Variants in NTRK3 observed in about 807,000 individuals in gnomAD.
NTRK3 encodes neurotrophic receptor tyrosine kinase 3.
A neutral mutation model predicts 91.7 loss-of-function variants in NTRK3; 24 were observed. That is an observed-to-expected ratio of 0.26 (90% CI 0.19 to 0.37). The LOEUF (loss-of-function observed/expected upper bound fraction) is 0.37, where lower values mean the gene tolerates loss of function less well. NTRK3 is among the 10% of genes least tolerant of loss of function. The pLI is 1.00. For synonymous variants in NTRK3, 483 were observed against 404.0 expected (o/e 1.20, Z -2.34); for missense variants, 880 against 1,068.9 (o/e 0.82, Z 2.46).
intron 13 of NTRK3, among the ~76,000 whole-genome samples, chr15:88,084,280 A>G (rs1295979302): frequency 6.6e-6 from 1 of 152,058 alleles, no homozygotes; most frequent in Non-Finnish European, 1.5e-5. Context: ...CCAATGGGAG[A>G]CACAGATGCT....
At chr15:88,166,568 A>C (rs994601979) in intron 5 of NTRK3, among the ~76,000 whole-genome samples, 1 of 152,196 alleles carries the variant, frequency 6.6e-6, no homozygotes, top group Middle Eastern at 3.2e-3. Context: ...CTGAACCCCC[A>C]GGGACGGAAC....
At chr15:88,189,789 G>A (rs1366661064) in intron 3 of NTRK3, among the ~76,000 whole-genome samples, 1 of 152,034 alleles carries the variant, frequency 6.6e-6, no homozygotes. Context: ...CTTCTGTTTT[G>A]CTTGGGCCAG....
chr15:87,925,733 C>T (rs183064551), intron 17 of NTRK3: 13 of 181,412 alleles, frequency 7.2e-5, no homozygotes, highest in Non-Finnish European at 1.3e-4. Flanking sequence ...AGCAGTATTT[C>T]CATACATGTT....
intron 17 of NTRK3, among the ~76,000 whole-genome samples, chr15:87,916,830 C>T (rs1596239224): frequency 6.7e-6 from 1 of 150,308 alleles, no homozygotes; most frequent in Non-Finnish European, 1.5e-5. Flanking sequence ...GGTGTGATCT[C>T]GGCTCACTGC....
Position 88,128,706 on chromosome 15 carries a change from CT to C in NTRK3, c.1228+4del. ...GTTTCAAAGCAACAGGTAAAGCAGA[CT>C]TACACAAGATAAAGTTATCCGTGCT... On this transcript the variant is annotated splice_donor_region_variant and intron_variant, in intron 11 of 18. Coordinates refer to ENST00000394480, the Ensembl canonical transcript of NTRK3. 1 of 1,613,996 alleles carries C rather than the reference CT, an allele frequency of 6.2e-7. No homozygotes were observed.
chr15:88,097,518 T>C (rs996068060), intron 13 of NTRK3, among the ~76,000 whole-genome samples: 13 of 152,202 alleles, frequency 8.5e-5, no homozygotes, highest in African/African-American at 2.9e-4. Flanking sequence ...AACATGTTTA[T>C]CCTCACGCTT....
chr15:88,235,880 T>C lies in NTRK3; in HGVS notation c.248+20026A>G, dbSNP rs1463521354. On this transcript the variant is annotated intron_variant, in intron 3 of 18. Transcript: ENST00000394480. This position sits in a 1 kb window ranked among gnomAD's most constrained non-coding sequence, Gnocchi z 5.2. The stretch of plus-strand genomic sequence containing the variant: ...TACCAGTTGGATGACCTTGAACAAG[T>C]GACGCCACCCTTCTTCCCCTCAATT... Among the ~76,000 whole-genome samples the C allele has an allele frequency of 2.0e-5, 3 of 152,224 alleles. No individual in the cohort carries two copies. Among genetic ancestry groups the C allele is most frequent in the African/African-American group, 7.2e-5 (3 of 41,472 alleles).
At chr15:88,044,251 G>GTTTTT (rs1596944218) in intron 13 of NTRK3, among the ~76,000 whole-genome samples, 1 of 109,304 alleles carries the variant, frequency 9.1e-6, no homozygotes, top group African/African-American at 3.2e-5. Context: ...CCAAGTCTAT[G>GTTTTT]TTCTTTTTTT....
rs371959288 is a variant in NTRK3 at position 87,897,782 on chromosome 15, ATAGT to A, written c.2134-17358_2134-17355del. Among the ~76,000 whole-genome samples, 960 of 152,312 alleles carry A rather than the reference ATAGT, an allele frequency of 6.3e-3. 10 individuals are homozygous for A. Among genetic ancestry groups the A allele is most frequent in the African/African-American group, 0.022 (910 of 41,580 alleles). ...TTTCAAATAAGATTGACTTTACTAA[ATAGT>A]TAGAGGCCAAAAAATATAAAAATTA... On this transcript the variant is annotated intron_variant, in intron 17 of 18. Transcript: ENST00000394480.
intron 18 of NTRK3, among the ~76,000 whole-genome samples, chr15:87,878,316 C>T (rs937141376): frequency 3.3e-5 from 5 of 152,208 alleles, no homozygotes; most frequent in East Asian, 1.9e-4. Context: ...TGTCCCTACA[C>T]TGCTCAACAG....
chr15:88,098,762 A>C (rs2150842935), intron 13 of NTRK3: 1 of 232,964 alleles, frequency 4.3e-6, no homozygotes, highest in East Asian at 6.0e-5. Flanking sequence ...GAGCAAAACC[A>C]AGAGGAAAGG....
chr15:88,165,630 G>A lies in NTRK3; in HGVS notation c.395+17788C>T, dbSNP rs141651494. ...GTTTGTTAGGAGCTAATCACTATAC[G>A]CTTTAAAGATATTTGTCCACTGAAT... On this transcript the variant is annotated intron_variant, in intron 5 of 18. Coordinates refer to ENST00000394480, the Ensembl canonical transcript of NTRK3. Among the ~76,000 whole-genome samples, 6 of 152,250 alleles carry A rather than the reference G, an allele frequency of 3.9e-5. No individual in the cohort carries two copies. In the East Asian group the frequency reaches 9.6e-4, roughly 24 times the overall value.
At chr15:88,256,197 G>T in intron 2 of NTRK3, 29 bp from the exon 3 acceptor site, 1 of 1,173,350 alleles carries the variant, frequency 8.5e-7, no homozygotes, top group Non-Finnish European at 1.2e-6. Flanking sequence ...AGAGGAGAGG[G>T]GGGTGGGGTG....
intron 3 of NTRK3, among the ~76,000 whole-genome samples, chr15:88,223,717 G>A (rs907749916): frequency 3.3e-5 from 5 of 152,166 alleles, no homozygotes; most frequent in African/African-American, 1.2e-4. Context: ...CTACCTCCTT[G>A]GGCCACAGGA....
intron 16 of NTRK3, chr15:87,931,166 A>G (rs1156949328): frequency 5.9e-6 from 3 of 511,720 alleles, no homozygotes; most frequent in South Asian, 4.3e-5. Flanking sequence ...TTTATCATGT[A>G]TGACAGTAGT....
intron 14 of NTRK3, among the ~76,000 whole-genome samples, chr15:88,006,574 C>T (rs563688690): frequency 4.6e-5 from 7 of 152,276 alleles, no homozygotes; most frequent in African/African-American, 1.7e-4. Flanking sequence ...ACACATGTGG[C>T]TTCAGGTGGA....
At chr15:87,976,019 A>T (rs148901854) in intron 14 of NTRK3, among the ~76,000 whole-genome samples, 1 of 152,058 alleles carries the variant, frequency 6.6e-6, no homozygotes, top group Admixed American at 6.5e-5. Context: ...TTTCCTTCCC[A>T]TATTCTCAGG....
intron 17 of NTRK3, among the ~76,000 whole-genome samples, chr15:87,915,293 T>C (rs1317728358): frequency 6.6e-6 from 1 of 152,260 alleles, no homozygotes; most frequent in Non-Finnish European, 1.5e-5. Flanking sequence ...CAGTCTTTTC[T>C]CTATCCCCAA....
At chr15:87,932,390 T>C (rs554745618) in intron 16 of NTRK3, among the ~76,000 whole-genome samples, 1 of 152,350 alleles carries the variant, frequency 6.6e-6, no homozygotes, top group African/African-American at 2.4e-5. Context: ...AAGGAACTAG[T>C]GCGACTGAAT....
Sources: gnomAD v4.1 joint callset for allele counts (sites outside exome capture counted in the v4.1 genomes callset) on GRCh38, gnomAD v4.1.1 for gene constraint, Gnocchi (gnomAD v3.1) non-coding constraint, MANE v1.5 for transcripts, NCBI Gene and HGNC (gene_info 2026-07-23, HGNC 2026-07-21) for gene names.